Variants in FHOD3 observed in about 807,000 individuals in gnomAD.
FHOD3 encodes the protein FH1/FH2 domain-containing protein 3.
A neutral mutation model predicts 173.0 loss-of-function variants in FHOD3; 90 were observed. That is an observed-to-expected ratio of 0.52 (90% CI 0.44 to 0.62). The LOEUF is 0.62. Ranked by LOEUF, FHOD3 falls within the 20% of genes least tolerant of loss-of-function variation. The pLI is 0.00. For missense variants in FHOD3, 1,945 were observed against 2,034.7 expected (o/e 0.96, Z 0.85); for synonymous variants, 828 against 823.0 (o/e 1.01, Z -0.10).
chr18:36,622,201 C>T (rs2033767118), intron 9 of FHOD3, among the ~76,000 whole-genome samples: 1 of 152,132 alleles, frequency 6.6e-6, no homozygotes, highest in South Asian at 2.1e-4. Flanking sequence ...GGAGAGTTGC[C>T]TATCAGCAAG....
chr18:36,573,220 G>A (rs1361455733), intron 5 of FHOD3, among the ~76,000 whole-genome samples: 1 of 151,290 alleles, frequency 6.6e-6, no homozygotes, highest in Non-Finnish European at 1.5e-5. Context: ...AGAAAGCTGG[G>A]AAAATAGGAA....
At chr18:36,379,040 C>T (rs1258957825) in intron 3 of FHOD3, among the ~76,000 whole-genome samples, 6 of 152,168 alleles carry the variant, frequency 3.9e-5, no homozygotes, top group Non-Finnish European at 5.9e-5. Flanking sequence ...TCTTTCCACA[C>T]GTTATATTCA....
At chr18:36,673,555 A>G (rs1444617361) in intron 14 of FHOD3, among the ~76,000 whole-genome samples, 2 of 152,152 alleles carry the variant, frequency 1.3e-5, no homozygotes, top group Non-Finnish European at 2.9e-5. Context: ...TGGGTCCCTG[A>G]CAGTAGTGAA....
chr18:36,480,717 C>A (rs962973178), intron 3 of FHOD3, among the ~76,000 whole-genome samples: 3 of 152,154 alleles, frequency 2.0e-5, no homozygotes, highest in African/African-American at 7.2e-5. Flanking sequence ...TTAATTTGTT[C>A]TTTGTAGCAG....
intron 5 of FHOD3, among the ~76,000 whole-genome samples, chr18:36,514,120 T>C (rs1179245885): frequency 2.0e-5 from 3 of 150,496 alleles, no homozygotes; most frequent in Non-Finnish European, 4.4e-5. Flanking sequence ...GCCATTCTCC[T>C]GCCTCAGCCT....
intron 21 of FHOD3, among the ~76,000 whole-genome samples, chr18:36,741,780 A>G (rs1383524243): frequency 1.3e-5 from 2 of 150,018 alleles, no homozygotes; most frequent in South Asian, 4.3e-4. Flanking sequence ...TCTAAAAAAA[A>G]TAAAGCCAAG....
At chr18:36,628,897 T>A (rs1216519034) in intron 10 of FHOD3, among the ~76,000 whole-genome samples, 1 of 152,252 alleles carries the variant, frequency 6.6e-6, no homozygotes, top group African/African-American at 2.4e-5. Context: ...GGCTGCTTCC[T>A]GCTCTGTGTG....
chr18:36,758,177 A>G (rs1250438768), intron 25 of FHOD3, among the ~76,000 whole-genome samples: 1 of 152,210 alleles, frequency 6.6e-6, no homozygotes, highest in Non-Finnish European at 1.5e-5. Context: ...TCTTGTCACA[A>G]TGCCATTTGG....
rs1462595840 is a variant in FHOD3 at position 36,718,425 on chromosome 18, A to T, written c.3127A>T (p.Ser1043Cys). The T allele has an allele frequency of 2.2e-6, 3 of 1,334,154 alleles. No homozygotes were observed. The Admixed American group carries it at 6.3e-5, about 28-fold the overall frequency. The allele number at this position is 1,334,154 out of a possible 1,614,324, so 82.6% of individuals were successfully genotyped here. A position where few individuals can be genotyped will look rare whatever the true frequency, so the allele number is the denominator to read the frequency against. ...PPPPPPPLLD[S>C]IPPPPVPGNL... ...CCCACCCCCTCCGCCCCTGTTGGAC[A>T]GCATTCCTCCCCCTCCTGTCCCTGG... The change falls in exon 19 of 29, where the codon AGC (serine) becomes TGC (cysteine). Residue 1043 changes from serine to cysteine, a missense_variant. Ser to Cys is a moderately radical substitution (Grantham distance 112). This residue lies in a region of FHOD3 where 1,099 missense variants were observed against 1,051.2 expected (regional missense o/e 1.05). Transcript: ENST00000590592.
chr18:36,630,583 T>C (rs960163869), intron 10 of FHOD3, among the ~76,000 whole-genome samples: 5 of 152,118 alleles, frequency 3.3e-5, no homozygotes, highest in Admixed American at 3.3e-4. Flanking sequence ...ATAAAACAAG[T>C]TGGCAAGAGA....
intron 3 of FHOD3, among the ~76,000 whole-genome samples, chr18:36,448,576 A>G (rs1336777040): frequency 6.6e-6 from 1 of 152,044 alleles, no homozygotes; most frequent in Admixed American, 6.5e-5. Context: ...AGCATTTTAT[A>G]CACAAGGCTC....
chr18:36,302,835 C>CT (rs2091989984), intron 1 of FHOD3, among the ~76,000 whole-genome samples: 1 of 152,212 alleles, frequency 6.6e-6, no homozygotes, highest in Non-Finnish European at 1.5e-5. Flanking sequence ...GTATGAACAG[C>CT]TAAGAGTGTC....
At chr18:36,374,908 C>T (rs2047364096) in intron 3 of FHOD3, among the ~76,000 whole-genome samples, 1 of 152,162 alleles carries the variant, frequency 6.6e-6, no homozygotes, top group Admixed American at 6.5e-5. Flanking sequence ...CATTAATTGC[C>T]TTAGGCCTGA....
chr18:36,304,460 A>G (rs2092038735), intron 1 of FHOD3, among the ~76,000 whole-genome samples: 1 of 152,242 alleles, frequency 6.6e-6, no homozygotes, highest in Non-Finnish European at 1.5e-5. Context: ...TTAGGTTACA[A>G]TTCCAATAGT....
chr18:36,567,078 C>T (rs1202007357), intron 5 of FHOD3, among the ~76,000 whole-genome samples: 1 of 152,090 alleles, frequency 6.6e-6, no homozygotes, highest in Non-Finnish European at 1.5e-5. Context: ...GTGATGTGTC[C>T]TGTTAACAGG....
chr18:36,437,519 A>G (rs2050872351), intron 3 of FHOD3, among the ~76,000 whole-genome samples: 1 of 152,170 alleles, frequency 6.6e-6, no homozygotes, highest in African/African-American at 2.4e-5. Context: ...AATATTTGAC[A>G]TGTACTTATA....
chr18:36,403,435 C>T (rs75830879), intron 3 of FHOD3, among the ~76,000 whole-genome samples: 3,018 of 152,286 alleles, frequency 0.02, 53 homozygotes, highest in Non-Finnish European at 0.03. Context: ...GCAAGTCCTC[C>T]TTTTGTGCCA....
intron 18 of FHOD3, among the ~76,000 whole-genome samples, chr18:36,714,411 G>A (rs1319172475): frequency 1.3e-5 from 2 of 152,062 alleles, no homozygotes; most frequent in Non-Finnish European, 2.9e-5. Flanking sequence ...GGTGGCTCGC[G>A]CCTGTAGTCA....
At chr18:36,325,464 T>A (rs1459213375) in intron 1 of FHOD3, among the ~76,000 whole-genome samples, 1 of 152,194 alleles carries the variant, frequency 6.6e-6, no homozygotes, top group East Asian at 1.9e-4. Context: ...GGTTATACAG[T>A]GGCAGGTTTA....
Sources: allele counts gnomAD v4.1 joint callset (sites outside exome capture counted in the v4.1 genomes callset), GRCh38; gene constraint gnomAD v4.1.1; regional missense constraint gnomAD v4.1.1; transcripts MANE v1.5; gene names NCBI Gene and HGNC (gene_info 2026-07-23, HGNC 2026-07-21).